Variants in BIRC6 observed in about 807,000 individuals in gnomAD.
BIRC6 encodes baculoviral IAP repeat containing 6.
BIRC6 carries 98 observed loss-of-function variants against 503.3 expected under a neutral mutation model. The ratio of observed to expected loss-of-function variants is 0.19; its 90% CI spans 0.17 to 0.23. The LOEUF (loss-of-function observed/expected upper bound fraction) is 0.23, where lower values mean the gene tolerates loss of function less well. Ranked by LOEUF, BIRC6 falls within the 10% of genes least tolerant of loss-of-function variation. BIRC6 has a pLI of 1.00. For missense variants in BIRC6, 5,360 were observed against 5,806.0 expected, an observed-to-expected ratio of 0.92 and a Z score of 2.50; for synonymous variants, 2,240 against 2,078.7, an observed-to-expected ratio of 1.08 and a Z score of -2.11.
At chr2:32,493,877 C>A (rs1042902790) in intron 45 of BIRC6, among the ~76,000 whole-genome samples, 1 of 152,154 alleles carries the variant, frequency 6.6e-6, no homozygotes, top group Non-Finnish European at 1.5e-5. Context: ...CCTCTACTCT[C>A]TTTAATATGA....
At chr2:32,592,944 A>G (rs929167736) in intron 66 of BIRC6, among the ~76,000 whole-genome samples, 2 of 152,204 alleles carry the variant, frequency 1.3e-5, no homozygotes, top group African/African-American at 4.8e-5. Flanking sequence ...ATAGTTCTCT[A>G]AGGCTCCATG....
chr2:32,401,765 C>T, intron 8 of BIRC6, 142 bp downstream of exon 8: 1 of 702,978 alleles, frequency 1.4e-6, no homozygotes, highest in African/African-American at 1.8e-5. Flanking sequence ...GGTTAGAAAT[C>T]TGAAATCTGT....
At chr2:32,607,805 G>A (rs1041309085) in intron 72 of BIRC6, among the ~76,000 whole-genome samples, 162 bp downstream of exon 72, 2 of 151,144 alleles carry the variant, frequency 1.3e-5, no homozygotes, top group Non-Finnish European at 2.9e-5. Flanking sequence ...TGGCGAAACC[G>A]CATTTCTACT....
At chr2:32,460,244 T>TTATATATATATATATATATA (rs1558785783) in intron 23 of BIRC6, among the ~76,000 whole-genome samples, 1 of 83,594 alleles carries the variant, frequency 1.2e-5, no homozygotes, top group African/African-American at 4.7e-5. Flanking sequence ...ATCTCGTATA[T>TTATATATATATATATATATA]GATATATATA....
chr2:32,614,947 T>G (rs761195697), intron 73 of BIRC6, among the ~76,000 whole-genome samples: 9 of 152,192 alleles, frequency 5.9e-5, no homozygotes, highest in Non-Finnish European at 1.2e-4. Flanking sequence ...ACTGGGTAAT[T>G]TATAACAAAA....
At chr2:32,470,953 G>A (rs1458254852) in intron 31 of BIRC6, 61 bp from the exon 32 acceptor site, 1 of 1,500,622 alleles carries the variant, frequency 6.7e-7, no homozygotes, top group Non-Finnish European at 9.0e-7. Context: ...TATATTATCA[G>A]ATCTAATTAG....
chr2:32,469,091 A>G (rs1249592391), intron 29 of BIRC6, among the ~76,000 whole-genome samples: 1 of 152,226 alleles, frequency 6.6e-6, no homozygotes, highest in Non-Finnish European at 1.5e-5. Flanking sequence ...AACCTAATAT[A>G]GAGCTATCAT....
At position 32,357,935 on chromosome 2, in the gene BIRC6, A is replaced by T. The variant is rs1026866531; in HGVS notation, c.325+449A>T. Among the ~76,000 whole-genome samples the T allele has an allele frequency of 1.3e-5, 2 of 151,750 alleles. No homozygotes were observed. Among genetic ancestry groups the T allele is most frequent in the African/African-American group, 4.8e-5 (2 of 41,326 alleles). On this transcript the variant is annotated intron_variant, in intron 1 of 73. Transcript: ENST00000421745. The surrounding 1 kb of genome is among the most constrained non-coding windows in gnomAD (Gnocchi z 4.9). The stretch of plus-strand genomic sequence containing the variant: ...GGGGCGGGGAGCGTCTGAGCCGGCA[A>T]CCAAGCCCTCCCTTGTGGGAGAGGA...
chr2:32,587,232 C>T (rs923653546), intron 66 of BIRC6, among the ~76,000 whole-genome samples: 15 of 152,166 alleles, frequency 9.9e-5, no homozygotes, highest in African/African-American at 3.6e-4. Context: ...ACTAAAAATA[C>T]AAAAATTAGC....
At chr2:32,391,175 A>G (rs1404549801) in intron 4 of BIRC6, among the ~76,000 whole-genome samples, 1 of 152,212 alleles carries the variant, frequency 6.6e-6, no homozygotes, top group African/African-American at 2.4e-5. Flanking sequence ...GCTGTGGTAA[A>G]TGTTATATTT....
intron 3 of BIRC6, among the ~76,000 whole-genome samples, chr2:32,383,122 C>T (rs1322936241): frequency 2.0e-5 from 3 of 151,710 alleles, no homozygotes; most frequent in African/African-American, 7.3e-5. Flanking sequence ...TCTCGGCTCA[C>T]TGCAAGTTCC....
rs868208966 is a variant in BIRC6, at chr2:32,515,321, C to T, written c.10900C>T (p.Leu3634Phe). Reference protein sequence around the residue: ...KQLLDSGLPSLLVRSLASFCF... With the variant: ...KQLLDSGLPSFLVRSLASFCF... ...ATTACTAGACTCAGGTTTGCCTTCT[C>T]TTCTTGTGAGGAGTCTGGCTAGTTT... The change falls in exon 55 of 74, where the codon CTT becomes TTT. Residue 3634 changes from leucine (L) to phenylalanine (F), a missense_variant. Physicochemically the swap from Leu to Phe is conservative, Grantham distance 22. Transcript: ENST00000421745. 2 of 1,613,900 alleles carry T rather than the reference C, an allele frequency of 1.2e-6. No individual in the cohort carries two copies. Among genetic ancestry groups the T allele is most frequent in the Non-Finnish European group, 1.7e-6 (2 of 1,179,894 alleles).
rs572753127 is a variant in BIRC6 at position 32,398,341 on chromosome 2, T to C, written c.1034+2748T>C. ...AATAGAATGTGCTATGTTCATATAA[T>C]AGACTGTGGTCCAACAGTTAAGGGG... On this transcript the variant is annotated intron_variant, in intron 6 of 73. Coordinates refer to ENST00000421745, the MANE Select transcript of BIRC6 (RefSeq NM_016252.4). Among the ~76,000 whole-genome samples the C allele has an allele frequency of 4.6e-5, 7 of 152,298 alleles. No homozygotes were observed. The South Asian group carries it at 1.2e-3, about 27-fold the overall frequency.
intron 62 of BIRC6, among the ~76,000 whole-genome samples, chr2:32,544,425 A>G (rs2057903628): frequency 2.0e-5 from 3 of 151,240 alleles, no homozygotes; most frequent in Admixed American, 1.3e-4. Flanking sequence ...CTGAAGAATT[A>G]CAGGATAGCC....
Position 32,574,975 on chromosome 2 carries a change from C to T in BIRC6, c.13145-181C>T, listed in dbSNP as rs113569963. On this transcript the variant is annotated intron_variant, in intron 65 of 73. Coordinates refer to ENST00000421745, the MANE Select transcript of BIRC6 (RefSeq NM_016252.4). ...GTTGGTCAGGCTGGTCTCGAACTCC[C>T]GACCTCGGGTGATCTGCCTGCCTCG... 9.9e-3 allele frequency among the ~76,000 whole-genome samples: 1,507 copies of T among 152,226 alleles called. 20 individuals carry two copies. The highest frequency in any genetic ancestry group is 0.017 in the Middle Eastern group (5 of 294).
In BIRC6 at chr2:32,590,996, G is replaced by A. The variant is rs1176804014; in HGVS notation, c.13356-2919G>A. 5.1e-6 allele frequency: 5 copies of A among 985,518 alleles called. No homozygotes were observed. The East Asian group carries it at 3.4e-4, about 67-fold the overall frequency. The allele number at this position is 985,518 out of a possible 1,614,324, so 61.0% of individuals were successfully genotyped here. On this transcript the variant is annotated intron_variant, in intron 66 of 73. Transcript: ENST00000421745. Reference sequence around the variant, plus strand: ...GAGCTAAGGTATGGCCTTTTTTCATGAGCTGGGCCTACATATGGGTTGACA... The same window carrying A: ...GAGCTAAGGTATGGCCTTTTTTCATAAGCTGGGCCTACATATGGGTTGACA...
Position 32,524,979 on chromosome 2 carries a change from A to T in BIRC6, c.11715A>T (p.Glu3905Asp). The change falls in exon 58 of 74, where the codon GAA (glutamate) becomes GAT (aspartate). Residue 3905 changes from glutamate to aspartate, a missense_variant. Around this residue, in one of 16 missense-constraint regions of BIRC6, gnomAD observed 878 missense variants for 928.9 expected, o/e 0.95. Coordinates refer to ENST00000421745, the MANE Select transcript of BIRC6 (RefSeq NM_016252.4). ...NHEEKEKVKA[E>D]NGFQDNYSVV... is the part of the protein sequence containing the mutation. ...AAGAGAAAGAAAAAGTTAAAGCGGA[A>T]AATGGATTTCAAGACAATTACAGTG... 2 of 1,570,660 alleles carry T rather than the reference A, an allele frequency of 1.3e-6. No homozygotes were observed. Among genetic ancestry groups the T allele is most frequent in the Non-Finnish European group, 1.7e-6 (2 of 1,160,138 alleles).
intron 1 of BIRC6, among the ~76,000 whole-genome samples, chr2:32,374,733 A>T (rs2036494837): frequency 6.6e-6 from 1 of 152,068 alleles, no homozygotes; most frequent in East Asian, 1.9e-4. Flanking sequence ...CGGCCTCCCA[A>T]AGTGCTGGGA....
chr2:32,468,415 G>C (rs767734116), intron 28 of BIRC6, 22 bp from the exon 29 acceptor site: 4 of 1,513,338 alleles, frequency 2.6e-6, no homozygotes, highest in Non-Finnish European at 3.6e-6. Context: ...GAATTATTTT[G>C]TTCAATCTTT....
Sources: gnomAD v4.1 joint callset for allele counts (sites outside exome capture counted in the v4.1 genomes callset) on GRCh38, gnomAD v4.1.1 for gene constraint, gnomAD v4.1.1 regional missense constraint, Gnocchi (gnomAD v3.1) non-coding constraint, MANE v1.5 for transcripts, NCBI Gene and HGNC (gene_info 2026-07-23, HGNC 2026-07-21) for gene names.